Variants in CDH12 observed in about 807,000 individuals in gnomAD.
CDH12 encodes cadherin 12.
In CDH12, 41 loss-of-function variants were observed where a neutral mutation model predicts 74.1. The ratio of observed to expected loss-of-function variants is 0.55; its 90% CI spans 0.43 to 0.72. The LOEUF is 0.72. CDH12 is among the 30% of genes least tolerant of loss of function. The pLI is 0.00. For synonymous variants in CDH12, 399 were observed against 355.0 expected (o/e 1.12, Z -1.39); for missense variants, 945 against 977.2 (o/e 0.97, Z 0.44).
chr5:22,292,150 TAGA>T (rs1439307898), intron 3 of CDH12, among the ~76,000 whole-genome samples: 1 of 152,026 alleles, frequency 6.6e-6, no homozygotes, highest in African/African-American at 2.4e-5. Context: ...TATCTGCATT[TAGA>T]AGAATGAAAT....
At chr5:21,782,960 T>G (rs1362499179) in intron 11 of CDH12, among the ~76,000 whole-genome samples, 1 of 152,184 alleles carries the variant, frequency 6.6e-6, no homozygotes, top group African/African-American at 2.4e-5. Flanking sequence ...AAATACTCTC[T>G]TTGATGTCAG....
rs540978271 is a variant in CDH12, at chr5:21,816,985, G to A, written c.962C>T (p.Thr321Ile). The A allele has an allele frequency of 2.5e-6, 4 of 1,612,218 alleles. No individual in the cohort carries two copies. Among genetic ancestry groups the A allele is most frequent in the African/African-American group, 1.3e-5 (1 of 74,860 alleles). The change falls in exon 9 of 15, where the codon ACA becomes ATA. Residue 321 changes from threonine to isoleucine, a missense_variant. By Grantham distance (89) the Thr-to-Ile change is moderately conservative. Transcript: ENST00000382254. ...GACTCCCTCTTGTGTATCCTCATCT[G>A]TGACGATGTCAAACAAATTTCCCCC... The part of the protein sequence containing the change: ...GDGGNLFDIV[T>I]DEDTQEGVIK...
chr5:22,562,299 A>G (rs1169710508), intron 1 of CDH12, among the ~76,000 whole-genome samples: 1 of 152,088 alleles, frequency 6.6e-6, no homozygotes, highest in Non-Finnish European at 1.5e-5. Context: ...CCTGGGCGAC[A>G]GAGCGAGACT....
chr5:22,153,231 C>T (rs1434874166), intron 4 of CDH12, among the ~76,000 whole-genome samples: 1 of 147,526 alleles, frequency 6.8e-6, no homozygotes, highest in Admixed American at 6.9e-5. Context: ...ACAGTGGCTG[C>T]ACCAATCTAT....
intron 3 of CDH12, among the ~76,000 whole-genome samples, chr5:22,356,963 T>A (rs1740587351): frequency 6.6e-6 from 1 of 152,134 alleles, no homozygotes; most frequent in Non-Finnish European, 1.5e-5. Context: ...TTTTGAATAA[T>A]TAGAAGACTG....
chr5:22,168,446 C>T (rs979950706), intron 4 of CDH12, among the ~76,000 whole-genome samples: 24 of 152,060 alleles, frequency 1.6e-4, no homozygotes, highest in African/African-American at 5.1e-4. Context: ...AAATCTTCGA[C>T]GGACTTATGC....
At chr5:22,676,143 T>C (rs2126921609) in intron 1 of CDH12, among the ~76,000 whole-genome samples, 1 of 152,038 alleles carries the variant, frequency 6.6e-6, no homozygotes, top group African/African-American at 2.4e-5. Context: ...TCAGTACTAG[T>C]CGTTTTTATT....
intron 1 of CDH12, among the ~76,000 whole-genome samples, chr5:22,657,976 G>C (rs1484636434): frequency 6.6e-6 from 1 of 152,142 alleles, no homozygotes; most frequent in Non-Finnish European, 1.5e-5. Flanking sequence ...AAAAGCTCAT[G>C]ATGGCTAAGG....
At chr5:22,410,637 G>C (rs1743134072) in intron 2 of CDH12, among the ~76,000 whole-genome samples, 1 of 152,030 alleles carries the variant, frequency 6.6e-6, no homozygotes, top group South Asian at 2.1e-4. Context: ...AAATAAATTT[G>C]CATGTTTTTT....
chr5:22,598,344 C>A (rs1421942602), intron 1 of CDH12, among the ~76,000 whole-genome samples: 1 of 152,118 alleles, frequency 6.6e-6, no homozygotes, highest in East Asian at 1.9e-4. Flanking sequence ...ATCATGGGGG[C>A]AGTTTCCCGA....
At chr5:22,678,048 G>GT (rs1330799220) in intron 1 of CDH12, among the ~76,000 whole-genome samples, 4 of 151,668 alleles carry the variant, frequency 2.6e-5, no homozygotes, top group Admixed American at 6.6e-5. Flanking sequence ...TCCTCATGGG[G>GT]GGGGGGGTTA....
At position 22,192,106 on chromosome 5, in the gene CDH12, G is replaced by GT. The variant is rs371649038; in HGVS notation, c.-187+20391dup. Among the ~76,000 whole-genome samples, 7 of 151,782 alleles carry GT rather than the reference G, an allele frequency of 4.6e-5. 1 individual carries two copies. The highest frequency in any genetic ancestry group is 3.9e-4 in the East Asian group (2 of 5,078). On this transcript the variant is annotated intron_variant, in intron 4 of 14. Transcript: ENST00000382254. The stretch of plus-strand genomic sequence containing the variant: ...GGGCCACCATGCCCAGCTAATTTTT[G>GT]TTTTTTTGGTAGAGACAAGGCTTCA...
At chr5:22,652,890 A>T (rs1739814956) in intron 1 of CDH12, among the ~76,000 whole-genome samples, 1 of 152,150 alleles carries the variant, frequency 6.6e-6, no homozygotes, top group South Asian at 2.1e-4. Flanking sequence ...AAGCATTGAG[A>T]CTGGTTATTT....
intron 2 of CDH12, among the ~76,000 whole-genome samples, chr5:22,504,270 TC>T (rs1410931336): frequency 6.6e-6 from 1 of 152,026 alleles, no homozygotes; most frequent in African/African-American, 2.4e-5. Context: ...TGTATTTTTT[TC>T]CTCAAATCTG....
intron 6 of CDH12, among the ~76,000 whole-genome samples, chr5:21,972,286 C>G (rs533851046): frequency 9.9e-5 from 15 of 152,174 alleles, no homozygotes; most frequent in Admixed American, 7.2e-4. Context: ...GAAGCACTCT[C>G]AATTATTGGG....
At chr5:22,501,852 T>A (rs2126657189) in intron 2 of CDH12, among the ~76,000 whole-genome samples, 1 of 152,216 alleles carries the variant, frequency 6.6e-6, no homozygotes, top group Non-Finnish European at 1.5e-5. Flanking sequence ...CACTCCTGGC[T>A]GAGCAGATCT....
At chr5:22,293,320 C>A (rs1737482675) in intron 3 of CDH12, among the ~76,000 whole-genome samples, 1 of 152,118 alleles carries the variant, frequency 6.6e-6, no homozygotes. Context: ...GAAGAATGAG[C>A]AGCACCCTTC....
chr5:22,708,768 A>G (rs779706478), intron 1 of CDH12, among the ~76,000 whole-genome samples: 5 of 152,240 alleles, frequency 3.3e-5, no homozygotes, highest in Non-Finnish European at 7.3e-5. Flanking sequence ...TAAATAAAAT[A>G]GAAAAATGAA....
intron 4 of CDH12, among the ~76,000 whole-genome samples, chr5:22,197,076 A>T (rs1181982358): frequency 6.6e-6 from 1 of 152,284 alleles, no homozygotes; most frequent in Non-Finnish European, 1.5e-5. Flanking sequence ...AAAATAGTTT[A>T]TGATAAGATT....
Sources: allele counts gnomAD v4.1 joint callset (sites outside exome capture counted in the v4.1 genomes callset), GRCh38; gene constraint gnomAD v4.1.1; transcripts MANE v1.5; gene names NCBI Gene and HGNC (gene_info 2026-07-23, HGNC 2026-07-21).